The following PARD3 variants were observed in gnomAD, a reference collection of about 807,000 sequenced individuals.
PARD3 encodes the protein par-3 family cell polarity regulator.
PARD3 carries 75 observed loss-of-function variants against 155.4 expected under a neutral mutation model. That is an observed-to-expected ratio of 0.48 (90% confidence interval 0.40 to 0.58). PARD3 has a LOEUF of 0.58. Among genes scored for constraint, PARD3 ranks in the 20% least tolerant of loss-of-function variants. The pLI is 0.00. For missense variants in PARD3, 1,642 were observed against 1,721.7 expected (o/e 0.95, Z 0.82); for synonymous variants, 576 against 610.5 (o/e 0.94, Z 0.83).
chr10:34,305,677 G>A (rs1167288457), intron 20 of PARD3, among the ~76,000 whole-genome samples: 1 of 152,214 alleles, frequency 6.6e-6, no homozygotes, highest in African/African-American at 2.4e-5. Context: ...ACAGTCTTAT[G>A]TAGAGAATAC....
At chr10:34,143,245 A>T (rs371635010) in intron 22 of PARD3, among the ~76,000 whole-genome samples, 32 of 152,268 alleles carry the variant, frequency 2.1e-4, no homozygotes, top group African/African-American at 5.5e-4. Flanking sequence ...CAGGAGGTGG[A>T]GGTTGCAGTG....
chr10:34,734,437 G>A (rs1046929309), intron 1 of PARD3, among the ~76,000 whole-genome samples: 1 of 134,330 alleles, frequency 7.4e-6, no homozygotes, highest in East Asian at 2.5e-4. Flanking sequence ...CTGGGTTCAC[G>A]CCATTCTCCT....
At chr10:34,163,670 G>C (rs1431970744) in intron 22 of PARD3, among the ~76,000 whole-genome samples, 1 of 152,186 alleles carries the variant, frequency 6.6e-6, no homozygotes, top group African/African-American at 2.4e-5. Context: ...TGCAAAAGTG[G>C]TCACAGGAAA....
intron 2 of PARD3, among the ~76,000 whole-genome samples, chr10:34,572,499 G>T (rs909909950): frequency 1.3e-5 from 2 of 149,674 alleles, no homozygotes; most frequent in African/African-American, 2.6e-5. Context: ...AATTAGCCAG[G>T]TGTGGTGGGT....
At chr10:34,696,469 A>C (rs1328654523) in intron 1 of PARD3, 50 bp from the exon 2 acceptor site, 2 of 1,109,490 alleles carry the variant, frequency 1.8e-6, no homozygotes, top group South Asian at 1.3e-5. Flanking sequence ...CATCACCAAA[A>C]GGGAATTAGA....
chr10:34,665,905 CAAAAAGAAA>C (rs1564479946), intron 2 of PARD3, among the ~76,000 whole-genome samples: 1 of 141,752 alleles, frequency 7.1e-6, no homozygotes, highest in African/African-American at 2.7e-5. Flanking sequence ...CAGAACAGAA[CAAAAAGAAA>C]AGAAAAGAAA....
At chr10:34,691,131 T>C (rs1002183780) in intron 2 of PARD3, among the ~76,000 whole-genome samples, 5 of 152,144 alleles carry the variant, frequency 3.3e-5, no homozygotes, top group African/African-American at 1.2e-4. Flanking sequence ...GGCACCCAAA[T>C]AGGAAGAGAG....
intron 5 of PARD3, among the ~76,000 whole-genome samples, chr10:34,427,395 T>A (rs773949): frequency 1.3e-5 from 2 of 151,958 alleles, no homozygotes; most frequent in Admixed American, 6.6e-5. Context: ...GATGAAACAC[T>A]CCCTAGTCTC....
intron 1 of PARD3, among the ~76,000 whole-genome samples, chr10:34,769,451 C>T (rs567361455): frequency 6.6e-6 from 1 of 152,194 alleles, no homozygotes; most frequent in East Asian, 1.9e-4. Flanking sequence ...TTATCCTCTC[C>T]AGGTGAAAAT....
At chr10:34,540,784 A>G (rs1026478176) in intron 2 of PARD3, among the ~76,000 whole-genome samples, 2 of 152,076 alleles carry the variant, frequency 1.3e-5, no homozygotes, top group Admixed American at 6.5e-5. Context: ...CCTGTCTCGG[A>G]GGGGACCGGG....
intron 3 of PARD3, among the ~76,000 whole-genome samples, chr10:34,487,543 A>G (rs76401727): frequency 0.026 from 3,882 of 152,196 alleles, 167 homozygotes; most frequent in African/African-American, 0.089. Context: ...GGCCCCAGAG[A>G]ACAAAAAAAA....
intron 5 of PARD3, among the ~76,000 whole-genome samples, chr10:34,448,666 C>A (rs576561362): frequency 1.3e-5 from 2 of 151,786 alleles, no homozygotes; most frequent in South Asian, 4.2e-4. Context: ...ATTAGCTGGG[C>A]ATGGTGGTGT....
Position 34,709,180 on chromosome 10 carries a change from C to CA in PARD3, c.121-12762dup, listed in dbSNP as rs142897196. On this transcript the variant is annotated intron_variant, in intron 1 of 24. Coordinates refer to ENST00000374788, the MANE Select transcript of PARD3 (RefSeq NM_001184785.2). ...CTCGAAGATGGGACCCAAATTTAAA[C>CA]AAAAAAAGTCATTTATGTTTCAAAT... Among the ~76,000 whole-genome samples the CA allele has an allele frequency of 3.3e-5, 5 of 151,862 alleles. No individual in the cohort carries two copies. In the South Asian group the frequency reaches 6.2e-4, roughly 19 times the overall value.
At chr10:34,201,216 G>T (rs945150104) in intron 22 of PARD3, among the ~76,000 whole-genome samples, 5 of 152,188 alleles carry the variant, frequency 3.3e-5, no homozygotes, top group African/African-American at 9.7e-5. Flanking sequence ...GGAGCTCTGA[G>T]GATAAAGGGA....
At chr10:34,263,411 C>A (rs1394996706) in intron 22 of PARD3, among the ~76,000 whole-genome samples, 1 of 152,008 alleles carries the variant, frequency 6.6e-6, no homozygotes. Context: ...AATCCCAGCA[C>A]TATGGGAGGC....
At chr10:34,304,733 A>G (rs1957320027) in intron 20 of PARD3, among the ~76,000 whole-genome samples, 1 of 152,210 alleles carries the variant, frequency 6.6e-6, no homozygotes. Flanking sequence ...AAACAGGGCT[A>G]AAATTAGTAC....
At chr10:34,575,880 G>C (rs956197302) in intron 2 of PARD3, among the ~76,000 whole-genome samples, 1 of 152,054 alleles carries the variant, frequency 6.6e-6, no homozygotes, top group Non-Finnish European at 1.5e-5. Context: ...TGGGTGTCAA[G>C]AGTGAAACTC....
At chr10:34,177,009 G>A (rs532050535) in intron 22 of PARD3, among the ~76,000 whole-genome samples, 1 of 151,770 alleles carries the variant, frequency 6.6e-6, no homozygotes, top group African/African-American at 2.4e-5. Context: ...GTGGTGTGGT[G>A]TACATGTGTG....
chr10:34,656,932 G>A (rs2093184215), intron 2 of PARD3, among the ~76,000 whole-genome samples: 1 of 152,208 alleles, frequency 6.6e-6, no homozygotes, highest in South Asian at 2.1e-4. Context: ...ATGTAAACAT[G>A]TTGTGAGGAA....
Sources: gnomAD v4.1 joint callset for allele counts (sites outside exome capture counted in the v4.1 genomes callset) on GRCh38, gnomAD v4.1.1 for gene constraint, MANE v1.5 for transcripts, NCBI Gene and HGNC (gene_info 2026-07-23, HGNC 2026-07-21) for gene names.